Variants in GRIK2 observed in about 807,000 individuals in gnomAD.
GRIK2 encodes the protein glutamate receptor ionotropic, kainate 2.
A neutral mutation model predicts 100.3 loss-of-function variants in GRIK2; 32 were observed. That is an observed-to-expected ratio of 0.32 (90% confidence interval 0.24 to 0.43). The LOEUF is 0.43. GRIK2 is among the 20% of genes least tolerant of loss of function. The pLI is 1.00. For synonymous variants in GRIK2, 417 were observed against 389.4 expected (o/e 1.07, Z -0.83); for missense variants, 843 against 1,114.9 (o/e 0.76, Z 3.47).
chr6:101,840,437 T>G (rs1783418566), intron 10 of GRIK2, among the ~76,000 whole-genome samples: 1 of 152,196 alleles, frequency 6.6e-6, no homozygotes, highest in Admixed American at 6.5e-5. Flanking sequence ...CATTTGAGAT[T>G]TATTGGATAC....
At chr6:101,883,353 C>A (rs76288255) in intron 11 of GRIK2, among the ~76,000 whole-genome samples, 1 of 150,568 alleles carries the variant, frequency 6.6e-6, no homozygotes, top group Admixed American at 6.6e-5. Context: ...GGTAGAATTA[C>A]CATGTGCAAT....
chr6:101,808,971 T>C (rs1335012707), intron 9 of GRIK2, among the ~76,000 whole-genome samples: 1 of 151,418 alleles, frequency 6.6e-6, no homozygotes, highest in Non-Finnish European at 1.5e-5. Context: ...TCAATTTCTA[T>C]AGTTAATAAT....
At chr6:101,587,118 G>A (rs1778412392) in intron 2 of GRIK2, among the ~76,000 whole-genome samples, 1 of 151,740 alleles carries the variant, frequency 6.6e-6, no homozygotes, top group South Asian at 2.1e-4. Flanking sequence ...AATAAAAATA[G>A]GGTTTTAAAA....
intron 7 of GRIK2, among the ~76,000 whole-genome samples, chr6:101,707,258 T>C (rs755809550): frequency 1.3e-5 from 2 of 151,484 alleles, no homozygotes; most frequent in African/African-American, 4.8e-5. Context: ...AAATGTAAGA[T>C]AGTTATTGCA....
intron 2 of GRIK2, among the ~76,000 whole-genome samples, chr6:101,421,377 A>G (rs781050034): frequency 6.6e-6 from 1 of 152,210 alleles, no homozygotes; most frequent in African/African-American, 2.4e-5. Flanking sequence ...CGCACGGAAG[A>G]AAGAGGAGGA....
chr6:101,826,321 T>A (rs1282297762), intron 10 of GRIK2, among the ~76,000 whole-genome samples: 2 of 151,954 alleles, frequency 1.3e-5, no homozygotes, highest in Non-Finnish European at 2.9e-5. Flanking sequence ...AAAAACTAAG[T>A]ATAAGGTTTC....
chr6:101,412,409 A>C (rs1775927081), intron 2 of GRIK2, among the ~76,000 whole-genome samples: 1 of 151,976 alleles, frequency 6.6e-6, no homozygotes, highest in African/African-American at 2.4e-5. Context: ...CTAGATACAG[A>C]CTTCTGTATA....
chr6:101,634,362 A>G (rs1780906637), intron 4 of GRIK2, among the ~76,000 whole-genome samples: 1 of 152,114 alleles, frequency 6.6e-6, no homozygotes, highest in Admixed American at 6.6e-5. Flanking sequence ...GAAGGGGAAA[A>G]CAAGAAAAAC....
At chr6:101,542,842 G>C (rs1776066932) in intron 2 of GRIK2, among the ~76,000 whole-genome samples, 2 of 152,076 alleles carry the variant, frequency 1.3e-5, no homozygotes, top group South Asian at 4.1e-4. Context: ...CAATAATTAT[G>C]CCCTTTTTTT....
chr6:101,952,516 A>T (rs540547355), intron 14 of GRIK2, among the ~76,000 whole-genome samples: 28 of 152,174 alleles, frequency 1.8e-4, no homozygotes, highest in Non-Finnish European at 3.4e-4. Context: ...AGCTCTATTA[A>T]GATGTAATTT....
intron 7 of GRIK2, among the ~76,000 whole-genome samples, chr6:101,688,591 C>T (rs1771874311): frequency 6.6e-6 from 1 of 151,822 alleles, no homozygotes; most frequent in African/African-American, 2.4e-5. Flanking sequence ...CGAGTCTATT[C>T]CTCTTCTGCT....
At chr6:101,574,011 C>CT (rs1777677983) in intron 2 of GRIK2, among the ~76,000 whole-genome samples, 1 of 151,790 alleles carries the variant, frequency 6.6e-6, no homozygotes. Flanking sequence ...TCATGTCACT[C>CT]TTTTTACTTC....
intron 7 of GRIK2, among the ~76,000 whole-genome samples, chr6:101,753,193 G>C (rs1776899817): frequency 6.7e-6 from 1 of 149,860 alleles, no homozygotes; most frequent in East Asian, 2.0e-4. Context: ...TGAGGCAGGA[G>C]AATGGCGTGA....
intron 12 of GRIK2, among the ~76,000 whole-genome samples, chr6:101,908,478 T>G (rs1387060662): frequency 2.0e-5 from 3 of 151,350 alleles, no homozygotes; most frequent in African/African-American, 7.3e-5. Flanking sequence ...TCCTTGATTA[T>G]TATCTTTTTA....
At chr6:101,408,854 C>A (rs1775730413) in intron 2 of GRIK2, among the ~76,000 whole-genome samples, 1 of 151,960 alleles carries the variant, frequency 6.6e-6, no homozygotes, top group East Asian at 1.9e-4. Flanking sequence ...ATCAAGTTGA[C>A]ATATAAAATT....
intron 14 of GRIK2, among the ~76,000 whole-genome samples, chr6:101,950,782 G>T (rs1189519248): frequency 6.6e-6 from 1 of 152,018 alleles, no homozygotes. Flanking sequence ...AGTAGTGGGA[G>T]CCAGGAAACA....
chr6:102,066,124 T>C lies in GRIK2; in HGVS notation c.2563-2223T>C, dbSNP rs1052501330. ...AATCATCACCCATTACAAGTGCTAA[T>C]ATATTAATATTTTTATTAATTTAAT... On this transcript the variant is annotated intron_variant, in intron 16 of 16. Coordinates refer to ENST00000369134, the MANE Select transcript of GRIK2 (RefSeq NM_021956.5). 2.0e-5 allele frequency among the ~76,000 whole-genome samples: 3 copies of C among 151,562 alleles called. No homozygotes were observed. The Admixed American group carries it at 2.0e-4, about 10-fold the overall frequency.
At chr6:101,511,009 G>A (rs1199769384) in intron 2 of GRIK2, among the ~76,000 whole-genome samples, 1 of 152,124 alleles carries the variant, frequency 6.6e-6, no homozygotes, top group Non-Finnish European at 1.5e-5. Flanking sequence ...CAAATCACAT[G>A]TTGCATTAAG....
chr6:101,753,059 C>T (rs1583075244), intron 7 of GRIK2, among the ~76,000 whole-genome samples: 1 of 152,050 alleles, frequency 6.6e-6, no homozygotes, highest in African/African-American at 2.4e-5. Flanking sequence ...CTTTGGGAGG[C>T]CGAGGCGGGA....
Sources: gnomAD v4.1 joint callset for allele counts (sites outside exome capture counted in the v4.1 genomes callset) on GRCh38, gnomAD v4.1.1 for gene constraint, MANE v1.5 for transcripts, NCBI Gene and HGNC (gene_info 2026-07-23, HGNC 2026-07-21) for gene names.